Variants in KIAA1217 observed in about 807,000 individuals in gnomAD.
The protein encoded by KIAA1217 is sickle tail protein homolog.
Under a neutral mutation model 163.9 loss-of-function variants are expected in KIAA1217, and 88 were observed. The ratio of observed to expected loss-of-function variants is 0.54; its 90% CI spans 0.45 to 0.64. The LOEUF (loss-of-function observed/expected upper bound fraction) is 0.64, where lower values mean the gene tolerates loss of function less well. KIAA1217 is among the 30% of genes least tolerant of loss of function. The pLI is 0.00. For missense variants in KIAA1217, 2,372 were observed against 2,475.0 expected (o/e 0.96, Z 0.88); for synonymous variants, 903 against 923.1 (o/e 0.98, Z 0.39).
At chr10:24,114,591 G>A (rs936176179) in intron 2 of KIAA1217, among the ~76,000 whole-genome samples, 1 of 152,280 alleles carries the variant, frequency 6.6e-6, no homozygotes, top group African/African-American at 2.4e-5. Context: ...GGAAGACAAG[G>A]TCCCTGCCCT....
intron 1 of KIAA1217, among the ~76,000 whole-genome samples, chr10:23,963,054 AC>A (rs1844884678): frequency 6.6e-6 from 1 of 152,228 alleles, no homozygotes; most frequent in Non-Finnish European, 1.5e-5. Context: ...AGTGAAACAT[AC>A]AATATTTGAC....
chr10:23,957,567 C>A (rs1844622834), intron 1 of KIAA1217, among the ~76,000 whole-genome samples: 1 of 152,084 alleles, frequency 6.6e-6, no homozygotes, highest in African/African-American at 2.4e-5. Context: ...ACTAAAAATA[C>A]AAAAATTAGC....
intron 1 of KIAA1217, among the ~76,000 whole-genome samples, chr10:23,999,844 G>T (rs1589214979): frequency 6.6e-6 from 1 of 152,138 alleles, no homozygotes; most frequent in East Asian, 1.9e-4. Context: ...AGGATCGCTT[G>T]AGCCCAGGAA....
intron 2 of KIAA1217, among the ~76,000 whole-genome samples, chr10:24,333,785 A>C (rs1324929453): frequency 6.6e-6 from 1 of 152,230 alleles, no homozygotes; most frequent in Non-Finnish European, 1.5e-5. Context: ...AAAGCCATAA[A>C]GATGGTTAAA....
chr10:24,351,998 A>G (rs1458809878), intron 2 of KIAA1217, among the ~76,000 whole-genome samples: 2 of 152,166 alleles, frequency 1.3e-5, no homozygotes, highest in Non-Finnish European at 1.5e-5. Flanking sequence ...TGTTAACACA[A>G]TGGGGAACCC....
At chr10:24,233,719 T>C (rs146887503) in intron 2 of KIAA1217, among the ~76,000 whole-genome samples, 1 of 152,358 alleles carries the variant, frequency 6.6e-6, no homozygotes, top group Non-Finnish European at 1.5e-5. Context: ...CAGTATTGCA[T>C]AGATATTCAT....
rs1379535101 is a variant in KIAA1217, at chr10:23,824,658, A to ATTATATATAT, written c.-321+129424_-321+129425insTTATATATAT. On this transcript the variant is annotated intron_variant, in intron 1 of 18. Transcript: ENST00000376462. ...AAAAAAAAAAAAAAAAAATAAAAAA[A>ATTATATATAT]ATATATATATATATATATATATATG... is the stretch of plus-strand genomic sequence containing the variant. 2.5e-3 allele frequency among the ~76,000 whole-genome samples: 133 copies of ATTATATATAT among 53,050 alleles called. 2 individuals are homozygous for ATTATATATAT. Among genetic ancestry groups the ATTATATATAT allele is most frequent in the African/African-American group, 8.3e-3 (127 of 15,384 alleles). The allele number at this position is 53,050 out of a possible 152,430, so 34.8% of individuals were successfully genotyped here. A position where few individuals can be genotyped will look rare whatever the true frequency, so the allele number is the denominator to read the frequency against.
intron 2 of KIAA1217, among the ~76,000 whole-genome samples, chr10:24,010,979 A>T (rs995535755): frequency 1.3e-5 from 2 of 152,134 alleles, no homozygotes; most frequent in African/African-American, 4.8e-5. Flanking sequence ...TATAAGTCCA[A>T]TCTCTCCTTA....
intron 2 of KIAA1217, among the ~76,000 whole-genome samples, chr10:24,148,927 A>G (rs1202903641): frequency 6.6e-6 from 1 of 152,154 alleles, no homozygotes; most frequent in Non-Finnish European, 1.5e-5. Flanking sequence ...TCCATGTTAC[A>G]TATCTTAAAA....
chr10:23,760,984 T>C (rs552249911), intron 1 of KIAA1217, among the ~76,000 whole-genome samples: 3 of 152,224 alleles, frequency 2.0e-5, no homozygotes, highest in Admixed American at 6.6e-5. Flanking sequence ...GGCATGGCAG[T>C]GCAGGCCTGT....
chr10:24,052,116 C>T (rs1162474148), intron 2 of KIAA1217, among the ~76,000 whole-genome samples: 5 of 152,106 alleles, frequency 3.3e-5, no homozygotes, highest in South Asian at 2.1e-4. Flanking sequence ...TTGCTACTTG[C>T]GTACTCCAAG....
chr10:24,430,837 T>C (rs772705307), intron 3 of KIAA1217, among the ~76,000 whole-genome samples: 12 of 152,230 alleles, frequency 7.9e-5, no homozygotes, highest in Non-Finnish European at 1.8e-4. Flanking sequence ...ATTCCCTCGC[T>C]CAGCCATGGC....
At chr10:24,059,408 T>C (rs2060636498) in intron 2 of KIAA1217, among the ~76,000 whole-genome samples, 1 of 152,192 alleles carries the variant, frequency 6.6e-6, no homozygotes, top group African/African-American at 2.4e-5. Flanking sequence ...AGTTTGGAAA[T>C]GTTCTCACTT....
chr10:24,400,542 G>A lies in KIAA1217; in HGVS notation c.553+19475G>A, dbSNP rs147870222. 1.9e-3 allele frequency among the ~76,000 whole-genome samples: 287 copies of A among 152,226 alleles called. 1 individual carries two copies. Among genetic ancestry groups the A allele is most frequent in the East Asian group, 0.014 (74 of 5,170 alleles). Reference sequence around the variant, plus strand: ...GCAAGAAGTGATGCTTTGGTTAAAAGAAGCCACAGATCCATGCTTACCTCC... The same window carrying A: ...GCAAGAAGTGATGCTTTGGTTAAAAAAAGCCACAGATCCATGCTTACCTCC... On this transcript the variant is annotated intron_variant, in intron 3 of 20. Transcript: ENST00000376454.
chr10:24,173,233 G>A (rs1354578419), intron 2 of KIAA1217, among the ~76,000 whole-genome samples: 1 of 152,150 alleles, frequency 6.6e-6, no homozygotes, highest in Non-Finnish European at 1.5e-5. Context: ...AGAATCTAAT[G>A]CCTGATGATC....
intron 5 of KIAA1217, among the ~76,000 whole-genome samples, chr10:24,460,385 A>G (rs763748684): frequency 3.8e-4 from 58 of 152,312 alleles, no homozygotes; most frequent in Non-Finnish European, 6.0e-4. Context: ...CACAGTGAAG[A>G]TCATTCACAG....
At chr10:23,912,888 C>T (rs1013802615) in intron 1 of KIAA1217, among the ~76,000 whole-genome samples, 1 of 152,176 alleles carries the variant, frequency 6.6e-6, no homozygotes, top group African/African-American at 2.4e-5. Flanking sequence ...GACCACAATG[C>T]TGACTGTCTT....
intron 1 of KIAA1217, among the ~76,000 whole-genome samples, chr10:23,966,621 C>T (rs11013818): frequency 0.19 from 28,870 of 152,112 alleles, 3,049 homozygotes; most frequent in Middle Eastern, 0.26. Context: ...TGCTCTCATC[C>T]CCTCTGGCAT....
chr10:24,545,768 G>C (rs1173967387), intron 20 of KIAA1217, 59 bp from the exon 21 acceptor site: 2 of 1,539,856 alleles, frequency 1.3e-6, no homozygotes, highest in East Asian at 4.5e-5. Context: ...GCCAGGCCCT[G>C]TGGGTTGATC....
Sources: allele counts gnomAD v4.1 joint callset (sites outside exome capture counted in the v4.1 genomes callset), GRCh38; gene constraint gnomAD v4.1.1; transcripts MANE v1.5; gene names NCBI Gene and HGNC (gene_info 2026-07-23, HGNC 2026-07-21).